The following FAM83D variants were observed in gnomAD, a reference collection of about 807,000 sequenced individuals.
FAM83D encodes the protein protein FAM83D.
In FAM83D, 26 loss-of-function variants were observed where a neutral mutation model predicts 25.4. The ratio of observed to expected loss-of-function variants is 1.02; its 90% confidence interval spans 0.75 to 1.42. FAM83D has a LOEUF of 1.42. FAM83D is among the 40% of genes most tolerant of loss of function. FAM83D has a pLI of 0.00. For synonymous variants in FAM83D, 310 were observed against 318.5 expected (o/e 0.97, Z 0.28); for missense variants, 740 against 758.1 (o/e 0.98, Z 0.28).
intron 1 of FAM83D, 59 bp from the exon 2 acceptor site, chr20:38,941,900 C>CGTGCTGTAAGGTG: frequency 1.9e-6 from 3 of 1,540,504 alleles, no homozygotes; most frequent in Non-Finnish European, 2.7e-6. Context: ...GTCCAGAGAG[C>CGTGCTGTAAGGTG]GTGCTGTAAG....
chr20:38,940,945 G>T (rs910173408), intron 1 of FAM83D, among the ~76,000 whole-genome samples: 1 of 152,120 alleles, frequency 6.6e-6, no homozygotes, highest in Non-Finnish European at 1.5e-5. Context: ...TTTAGTTCTC[G>T]ATACAACCCT....
intron 1 of FAM83D, among the ~76,000 whole-genome samples, chr20:38,941,543 T>C (rs2085701956): frequency 6.6e-6 from 1 of 152,216 alleles, no homozygotes; most frequent in Non-Finnish European, 1.5e-5. Context: ...AACTGAAGCC[T>C]GGTGGGGAAA....
chr20:38,934,143 C>T (rs983682482), intron 1 of FAM83D, among the ~76,000 whole-genome samples: 64 of 152,182 alleles, frequency 4.2e-4, no homozygotes, highest in Admixed American at 4.6e-4. Context: ...CGTGAGCTAC[C>T]ATGCCTGGCC....
At position 38,942,009 on chromosome 20, in the gene FAM83D, C is replaced by T; in HGVS notation, c.534C>T (p.Asp178=). 1.2e-6 allele frequency: 2 copies of T among 1,614,188 alleles called. No homozygotes were observed. The highest frequency in any genetic ancestry group is 1.7e-4 in the Middle Eastern group (1 of 6,058). The change falls in exon 2 of 4, where the codon GAC becomes GAT. Residue 178 remains aspartate (D), a synonymous_variant. Transcript: ENST00000619850. Reference sequence around the variant, plus strand: ...TCACAGACATCGACATCTTCAGAGACCTGCAAGAAATATGCAGGAAACAGG... The same window carrying T: ...TCACAGACATCGACATCTTCAGAGATCTGCAAGAAATATGCAGGAAACAGG... The part of the protein sequence containing the change: ...DVFTDIDIFR[D]LQEICRKQGV...
chr20:38,934,268 C>T (rs1249980788), intron 1 of FAM83D, among the ~76,000 whole-genome samples: 1 of 152,016 alleles, frequency 6.6e-6, no homozygotes, highest in Non-Finnish European at 1.5e-5. Flanking sequence ...AGGAAAAAAG[C>T]AAGCAAAACC....
intron 1 of FAM83D, among the ~76,000 whole-genome samples, chr20:38,930,391 G>A (rs8125220): frequency 0.14 from 21,168 of 152,162 alleles, 1,566 homozygotes; most frequent in Middle Eastern, 0.19. Context: ...TAACTTGCCT[G>A]AGATCACACA....
intron 1 of FAM83D, among the ~76,000 whole-genome samples, chr20:38,932,565 T>C (rs192714389): frequency 1.3e-5 from 2 of 152,320 alleles, no homozygotes; most frequent in Admixed American, 1.3e-4. Context: ...CAGGATATTT[T>C]CCCTACATAC....
In FAM83D at chr20:38,952,224, G is replaced by A; in HGVS notation, c.1462G>A (p.Ala488Thr). ...SSSVSSQGSV[A>T]SSTGSPASIR... is the part of the protein sequence containing the mutation. The stretch of plus-strand genomic sequence containing the variant: ...CTCTGTGTCTTCCCAAGGCTCTGTG[G>A]CAAGCTCCACTGGTTCTCCCGCTTC... Residue 488 changes from alanine to threonine, a missense_variant, in exon 4 of 4, where the codon GCA (alanine) becomes ACA (threonine). Physicochemically the swap from Ala to Thr is moderately conservative, Grantham distance 58. Coordinates refer to ENST00000619850, the MANE Select transcript of FAM83D (RefSeq NM_030919.3). 6.2e-7 allele frequency: 1 copy of A among 1,614,144 alleles called. No individual in the cohort carries two copies. Among genetic ancestry groups the A allele is most frequent in the Middle Eastern group, 1.6e-4 (1 of 6,062 alleles).
Position 38,926,788 on chromosome 20 carries a change from G to C in FAM83D, c.346G>C (p.Gly116Arg), listed in dbSNP as rs1445189927. Residue 116 changes from glycine (G) to arginine (R), a missense_variant, in exon 1 of 4, where the codon GGC becomes CGC. This residue lies in a region of FAM83D where 333 missense variants were observed against 298.6 expected (regional missense o/e 1.12). Coordinates refer to ENST00000619850, the MANE Select transcript of FAM83D (RefSeq NM_030919.3). ...CCTGGAGCCACCGCTGTTGGAGCTT[G>C]GCTGGCCCGCCTTCTACCAGGGCGC... ...SDLEPPLLEL[G>R]WPAFYQGAYR... is the part of the protein sequence containing the mutation. 1.3e-6 allele frequency: 2 copies of C among 1,546,532 alleles called. No homozygotes were observed. Among genetic ancestry groups the C allele is most frequent in the Non-Finnish European group, 1.7e-6 (2 of 1,152,202 alleles).
chr20:38,926,453 T>A lies in FAM83D; in HGVS notation c.11T>A (p.Leu4Gln). 6.3e-7 allele frequency: 1 copy of A among 1,598,804 alleles called. No homozygotes were observed. The highest frequency in any genetic ancestry group is 8.5e-7 in the Non-Finnish European group (1 of 1,178,940). Residue 4 changes from leucine (L) to glutamine (Q), a missense_variant, in exon 1 of 4, where the codon CTG (leucine) becomes CAG (glutamine). By Grantham distance (113) the Leu-to-Gln change is moderately radical. Coordinates refer to ENST00000619850, the MANE Select transcript of FAM83D (RefSeq NM_030919.3). MAL[L>Q]SEGLDEVPAA... is the part of the protein sequence containing the mutation. Reference sequence around the variant, plus strand: ...AGTCCGAGCGCCGCCATGGCTCTGCTGTCCGAGGGCCTGGACGAGGTGCCC... The same window carrying A: ...AGTCCGAGCGCCGCCATGGCTCTGCAGTCCGAGGGCCTGGACGAGGTGCCC...
chr20:38,941,572 C>T (rs1038979913), intron 1 of FAM83D, among the ~76,000 whole-genome samples: 4 of 152,308 alleles, frequency 2.6e-5, no homozygotes, highest in Non-Finnish European at 5.9e-5. Context: ...CCAAAGATGA[C>T]AGTGTGTTAC....
In FAM83D at chr20:38,949,736, G is replaced by A. The variant is rs187920722; in HGVS notation, c.776+1736G>A. 1.2e-4 allele frequency among the ~76,000 whole-genome samples: 19 copies of A among 152,320 alleles called. No homozygotes were observed. In the East Asian group the frequency reaches 2.7e-3, roughly 22 times the overall value. ...CATCTTGACGTAGGAGCCACACGCT[G>A]ATCAGAACACTATATCCTGGTTCTG... On this transcript the variant is annotated intron_variant, in intron 3 of 3. Transcript: ENST00000619850.
chr20:38,951,271 AAAAC>A (rs142595638), intron 3 of FAM83D, among the ~76,000 whole-genome samples: 5,538 of 152,242 alleles, frequency 0.036, 119 homozygotes, highest in South Asian at 0.068. Context: ...ACCCCGTCTC[AAAAC>A]AAACAAACAA....
intron 1 of FAM83D, among the ~76,000 whole-genome samples, chr20:38,931,402 C>T (rs1446004739): frequency 1.3e-5 from 2 of 152,126 alleles, no homozygotes; most frequent in Non-Finnish European, 2.9e-5. Context: ...GTTTTCCTCT[C>T]CCTGGGAAAG....
chr20:38,944,206 A>G (rs2085716083), intron 2 of FAM83D, among the ~76,000 whole-genome samples: 1 of 152,220 alleles, frequency 6.6e-6, no homozygotes, highest in African/African-American at 2.4e-5. Flanking sequence ...AGAGACTCTA[A>G]CTTACCACCT....
intron 3 of FAM83D, among the ~76,000 whole-genome samples, chr20:38,950,945 G>C (rs945370880): frequency 6.6e-6 from 1 of 152,008 alleles, no homozygotes; most frequent in Non-Finnish European, 1.5e-5. Context: ...TCAGCCTCCC[G>C]AGTAGCTAGG....
rs1156949697 is a variant in FAM83D at position 38,952,131 on chromosome 20, CA to C, written c.1371del (p.Gln457HisfsTer19). ...GAACATTCTCTTTCCTCGAGGAACT[CA>C]ATCTACAGAAGGGTCACCAGTCTCA... is the stretch of plus-strand genomic sequence containing the variant. ...DENILFPRGT[Q>X]STEGSPVSKM... On this transcript the variant is annotated frameshift_variant, in exon 4 of 4. Coordinates refer to ENST00000619850, the MANE Select transcript of FAM83D (RefSeq NM_030919.3). LOFTEE classifies it low-confidence loss of function (END_TRUNC). 1 of 1,614,220 alleles carries C rather than the reference CA, an allele frequency of 6.2e-7. No homozygotes were observed. The highest frequency in any genetic ancestry group is 1.7e-5 in the Admixed American group (1 of 60,032).
Position 38,951,727 on chromosome 20 carries a change from A to C in FAM83D, c.965A>C (p.Lys322Thr). 2.5e-6 allele frequency: 4 copies of C among 1,614,190 alleles called. No individual in the cohort carries two copies. Among genetic ancestry groups the C allele is most frequent in the Non-Finnish European group, 3.4e-6 (4 of 1,180,038 alleles). ...CTCACCAACCGAAAACCACAGTCCA[A>C]GGAGCTCACCCTGGGCAACCTGCTG... ...DHLTNRKPQS[K>T]ELTLGNLLRM... Residue 322 changes from lysine to threonine, a missense_variant, in exon 4 of 4, where the codon AAG (lysine) becomes ACG (threonine). By Grantham distance (78) the Lys-to-Thr change is moderately conservative. Around this residue, in one of 3 missense-constraint regions of FAM83D, gnomAD observed 375 missense variants for 403.2 expected, o/e 0.93. Coordinates refer to ENST00000619850, the MANE Select transcript of FAM83D (RefSeq NM_030919.3).
intron 1 of FAM83D, among the ~76,000 whole-genome samples, chr20:38,932,027 CTTG>C (rs1316501999): frequency 6.6e-6 from 1 of 152,224 alleles, no homozygotes; most frequent in African/African-American, 2.4e-5. Flanking sequence ...TTCCTTGACT[CTTG>C]TTTCTATATA....
Sources: allele counts gnomAD v4.1 joint callset (sites outside exome capture counted in the v4.1 genomes callset), GRCh38; gene constraint gnomAD v4.1.1; regional missense constraint gnomAD v4.1.1; transcripts MANE v1.5; gene names NCBI Gene and HGNC (gene_info 2026-07-23, HGNC 2026-07-21).